KIRREL3: variants seen among roughly 807,000 people sequenced by gnomAD.
The protein encoded by KIRREL3 is kin of IRRE-like protein 3.
A neutral mutation model predicts 89.7 loss-of-function variants in KIRREL3; 36 were observed. The observed-to-expected ratio is 0.40, with a 90% CI of 0.31 to 0.53. KIRREL3 has a LOEUF of 0.53. KIRREL3 is among the 20% of genes least tolerant of loss of function. KIRREL3 has a pLI of 0.49. For missense variants in KIRREL3, 864 were observed against 1,056.6 expected (o/e 0.82, Z 2.53); for synonymous variants, 445 against 441.4 (o/e 1.01, Z -0.10).
rs1565715451 is a variant in KIRREL3 at position 126,768,178 on chromosome 11, C to CATCCA, written c.56-205271_56-205267dup. Among the ~76,000 whole-genome samples, 6 of 72,704 alleles carry CATCCA rather than the reference C, an allele frequency of 8.3e-5. No individual in the cohort carries two copies. Among genetic ancestry groups the CATCCA allele is most frequent in the African/African-American group, 2.1e-4 (5 of 23,800 alleles). The allele number at this position is 72,704 out of a possible 152,430, so 47.7% of individuals were successfully genotyped here. A position where few individuals can be genotyped will look rare whatever the true frequency, so the allele number is the denominator to read the frequency against. ...CATCCATCCATCCATCCAATCCATC[C>CATCCA]ATCCATCCATCCATCCATCCATCCA... On this transcript the variant is annotated intron_variant, in intron 1 of 16. Transcript: ENST00000525144. This position sits in a 1 kb window ranked among gnomAD's most constrained non-coding sequence, Gnocchi z 4.5.
At chr11:126,589,501 G>A (rs1331236509) in intron 1 of KIRREL3, among the ~76,000 whole-genome samples, 1 of 152,210 alleles carries the variant, frequency 6.6e-6, no homozygotes, top group African/African-American at 2.4e-5. Flanking sequence ...TGTGTCAGTT[G>A]TCTTGTTAAG....
chr11:126,881,565 T>C (rs1945497930), intron 1 of KIRREL3, among the ~76,000 whole-genome samples: 1 of 152,184 alleles, frequency 6.6e-6, no homozygotes, highest in Admixed American at 6.5e-5. Context: ...TAATATTTTT[T>C]GAGACAGAGT....
chr11:126,610,294 G>A lies in KIRREL3; in HGVS notation c.56-47382C>T, dbSNP rs1172652907. Among the ~76,000 whole-genome samples, 1 of 152,152 alleles carries A rather than the reference G, an allele frequency of 6.6e-6. No individual in the cohort carries two copies. The highest frequency in any genetic ancestry group is 1.5e-5 in the Non-Finnish European group (1 of 68,030). ...TTAATAGAGATGGGGGTTTCGGCAT[G>A]TTCGTCAGGCTGGTCTTGAACTCCT... On this transcript the variant is annotated intron_variant, in intron 1 of 16. Coordinates refer to ENST00000525144, the MANE Select transcript of KIRREL3 (RefSeq NM_032531.4). This position sits in a 1 kb window ranked among gnomAD's most constrained non-coding sequence, Gnocchi z 4.6.
rs1957558855 is a variant in KIRREL3, at chr11:126,492,882, A to T, written c.434-19416T>A. Among the ~76,000 whole-genome samples, 1 of 152,162 alleles carries T rather than the reference A, an allele frequency of 6.6e-6. No homozygotes were observed. Among genetic ancestry groups the T allele is most frequent in the African/African-American group, 2.4e-5 (1 of 41,438 alleles). ...CAGGCAGATGGCAAGGTTGGTCTCC[A>T]GAAAAGACAGACCAGGGGATGAGGG... On this transcript the variant is annotated intron_variant, in intron 4 of 16. Coordinates refer to ENST00000525144, the MANE Select transcript of KIRREL3 (RefSeq NM_032531.4). This position sits in a 1 kb window ranked among gnomAD's most constrained non-coding sequence, Gnocchi z 4.8.
At chr11:126,847,726 ACT>A (rs1161977541) in intron 1 of KIRREL3, among the ~76,000 whole-genome samples, 1 of 152,090 alleles carries the variant, frequency 6.6e-6, no homozygotes, top group Non-Finnish European at 1.5e-5. Context: ...AGTTAAGAAA[ACT>A]CTTCTGTTGA....
intron 1 of KIRREL3, among the ~76,000 whole-genome samples, chr11:126,889,142 A>G (rs936892680): frequency 7.2e-5 from 11 of 152,210 alleles, no homozygotes; most frequent in Non-Finnish European, 1.5e-4. Context: ...CATCACCACG[A>G]TCAGGACTGC....
chr11:126,458,634 C>T (rs1053217344), intron 6 of KIRREL3, among the ~76,000 whole-genome samples: 10 of 152,192 alleles, frequency 6.6e-5, no homozygotes, highest in African/African-American at 2.4e-4. Context: ...TAGCAGGTGG[C>T]TGACTGTGCT....
chr11:126,925,663 C>T (rs1050112634), intron 1 of KIRREL3, among the ~76,000 whole-genome samples: 11 of 152,156 alleles, frequency 7.2e-5, no homozygotes, highest in Admixed American at 3.3e-4. Flanking sequence ...GCCAGCATCC[C>T]GGAGCCACTT....
rs1419293792 is a variant in KIRREL3 at position 126,744,100 on chromosome 11, G to A, written c.56-181188C>T. Among the ~76,000 whole-genome samples the A allele has an allele frequency of 6.6e-6, 1 of 152,218 alleles. No homozygotes were observed. The highest frequency in any genetic ancestry group is 1.5e-5 in the Non-Finnish European group (1 of 68,052). Reference sequence around the variant, plus strand: ...TCCAGAAAGTTGGGACTAGCCAAGGGGCAGAGGGCCCAGGAAGGTGGAGCT... The same window carrying A: ...TCCAGAAAGTTGGGACTAGCCAAGGAGCAGAGGGCCCAGGAAGGTGGAGCT... On this transcript the variant is annotated intron_variant, in intron 1 of 16. Transcript: ENST00000525144. The surrounding 1 kb of genome is among the most constrained non-coding windows in gnomAD (Gnocchi z 4.7).
chr11:126,836,002 C>T (rs1157818477), intron 1 of KIRREL3, among the ~76,000 whole-genome samples: 1 of 152,182 alleles, frequency 6.6e-6, no homozygotes, highest in Non-Finnish European at 1.5e-5. Flanking sequence ...TGAATTGTTA[C>T]ACATTGATAC....
At chr11:126,833,929 C>T (rs371014815) in intron 1 of KIRREL3, among the ~76,000 whole-genome samples, 2 of 152,218 alleles carry the variant, frequency 1.3e-5, no homozygotes, top group Non-Finnish European at 2.9e-5. Flanking sequence ...TGCAAGTCTA[C>T]GTTTTGTTTC....
rs146452340 is a variant in KIRREL3 at position 126,641,668 on chromosome 11, C to T, written c.56-78756G>A. 8.1e-3 allele frequency among the ~76,000 whole-genome samples: 1,229 copies of T among 152,300 alleles called. 19 individuals carry two copies. Among genetic ancestry groups the T allele is most frequent in the South Asian group, 0.036 (176 of 4,824 alleles). On this transcript the variant is annotated intron_variant, in intron 1 of 16. Transcript: ENST00000525144. The surrounding 1 kb of genome is among the most constrained non-coding windows in gnomAD (Gnocchi z 5.0). ...TGTCCCACTGCACCCTTGCAGCTGA[C>T]TCCATACCCCTATTACATAACACAA...
intron 6 of KIRREL3, among the ~76,000 whole-genome samples, chr11:126,457,375 A>G (rs78132585): frequency 5.5e-5 from 6 of 109,914 alleles, no homozygotes; most frequent in African/African-American, 1.1e-4. Context: ...GTATGCGTGT[A>G]TGTGTGTATG....
chr11:126,916,476 G>T (rs1947042849), intron 1 of KIRREL3, among the ~76,000 whole-genome samples: 1 of 152,108 alleles, frequency 6.6e-6, no homozygotes, highest in Non-Finnish European at 1.5e-5. Context: ...ACTCAGAAAG[G>T]CCATAGTTTA....
At chr11:126,539,377 C>T (rs530055226) in intron 2 of KIRREL3, among the ~76,000 whole-genome samples, 87 of 152,254 alleles carry the variant, frequency 5.7e-4, no homozygotes, top group Admixed American at 1.8e-3. Flanking sequence ...GTTTGTACTT[C>T]ATGAGAAGTC....
At chr11:126,846,728 C>A (rs981765129) in intron 1 of KIRREL3, among the ~76,000 whole-genome samples, 1 of 152,060 alleles carries the variant, frequency 6.6e-6, no homozygotes, top group Non-Finnish European at 1.5e-5. Flanking sequence ...AAGTAAAATG[C>A]ATTTTTGGTA....
chr11:126,548,086 T>C (rs906066198), intron 2 of KIRREL3, among the ~76,000 whole-genome samples: 2 of 152,178 alleles, frequency 1.3e-5, no homozygotes, highest in African/African-American at 4.8e-5. Context: ...TCTCTTCCCC[T>C]GCTTTTTTGG....
chr11:126,894,542 CAAAAAAA>C (rs10630231), intron 1 of KIRREL3, among the ~76,000 whole-genome samples: 7 of 17,480 alleles, frequency 4.0e-4, no homozygotes, highest in East Asian at 2.5e-3. Flanking sequence ...GACCTCATCT[CAAAAAAA>C]AAAAAAAAAA....
intron 1 of KIRREL3, among the ~76,000 whole-genome samples, chr11:126,871,037 T>C (rs893638521): frequency 6.6e-6 from 1 of 152,136 alleles, no homozygotes; most frequent in African/African-American, 2.4e-5. Context: ...GGAGCAGACA[T>C]CAAGAGCATC....
Sources: gnomAD v4.1 joint callset for allele counts (sites outside exome capture counted in the v4.1 genomes callset) on GRCh38, gnomAD v4.1.1 for gene constraint, Gnocchi (gnomAD v3.1) non-coding constraint, MANE v1.5 for transcripts, NCBI Gene and HGNC (gene_info 2026-07-23, HGNC 2026-07-21) for gene names.